IFT140: variants seen among roughly 807,000 people sequenced by gnomAD.
The protein encoded by IFT140 is intraflagellar transport 140.
Under a neutral mutation model 164.6 loss-of-function variants are expected in IFT140, and 133 were observed. That is an observed-to-expected ratio of 0.81 (90% CI 0.70 to 0.93). The LOEUF is 0.93. Among genes scored for constraint, IFT140 ranks in the 40% least tolerant of loss-of-function variants. The probability of loss-of-function intolerance (pLI) is 0.00; values close to 1 mark genes in which losing one functional copy is unlikely to be tolerated. For missense variants in IFT140, 2,045 were observed against 1,972.3 expected, an observed-to-expected ratio of 1.04 and a Z score of -0.70; for synonymous variants, 860 against 817.3, an observed-to-expected ratio of 1.05 and a Z score of -0.89.
intron 4 of IFT140, among the ~76,000 whole-genome samples, chr16:1,596,078 A>G (rs1313713637): frequency 1.3e-5 from 2 of 152,190 alleles, no homozygotes; most frequent in Non-Finnish European, 2.9e-5. Context: ...ACAAACAAAC[A>G]AACAAAACCA....
At chr16:1,542,430 C>A (rs545545054) in intron 19 of IFT140, among the ~76,000 whole-genome samples, 1 of 152,346 alleles carries the variant, frequency 6.6e-6, no homozygotes, top group South Asian at 2.1e-4. Context: ...CTGGGTCCTG[C>A]CCCTTCCTCA....
In IFT140 at chr16:1,540,670, C is replaced by T. The variant is rs139196879; in HGVS notation, c.2400-13874G>A. On this transcript the variant is annotated intron_variant, in intron 19 of 30. Transcript: ENST00000426508. Reference sequence around the variant, plus strand: ...TTCTGGTGTCTGTGATGGATGCGGGCGCGGGGACCCGCTCCTGAGTGGTGA... The same window carrying T: ...TTCTGGTGTCTGTGATGGATGCGGGTGCGGGGACCCGCTCCTGAGTGGTGA... 3.5e-3 allele frequency: 731 copies of T among 208,568 alleles called. 3 individuals are homozygous for T. The highest frequency in any genetic ancestry group is 8.8e-3 in the South Asian group (53 of 6,014). 12.9% of individuals were successfully genotyped at this position (208,568 alleles called of 1,614,324 possible). A position where few individuals can be genotyped will look rare whatever the true frequency, so the allele number is the denominator to read the frequency against.
chr16:1,532,534 C>T (rs1156486605), intron 19 of IFT140: 2 of 152,274 alleles, frequency 1.3e-5, no homozygotes, highest in East Asian at 3.9e-4. Context: ...GCTCTCGGGA[C>T]CGCCCTGAGC....
intron 13 of IFT140, among the ~76,000 whole-genome samples, chr16:1,575,516 A>C (rs2034230808): frequency 6.6e-6 from 1 of 152,214 alleles, no homozygotes; most frequent in African/African-American, 2.4e-5. Flanking sequence ...TTGCCACTGC[A>C]GTGCAGCCTG....
chr16:1,592,645 AGGGACAG>A, intron 4 of IFT140, 57 bp from the exon 5 acceptor site: 3 of 1,569,236 alleles, frequency 1.9e-6, no homozygotes, highest in Non-Finnish European at 2.6e-6. Context: ...CGACTGGTGG[AGGGACAG>A]GTGTCCTGGC....
At chr16:1,523,424 C>G in intron 26 of IFT140, 94 bp downstream of exon 26, 1 of 1,382,932 alleles carries the variant, frequency 7.2e-7, no homozygotes, top group Non-Finnish European at 9.9e-7. Context: ...GAACTCATAA[C>G]CAAGCAAGCA....
intron 30 of IFT140, among the ~76,000 whole-genome samples, chr16:1,517,840 A>AT (rs140973122): frequency 4.1e-4 from 62 of 150,288 alleles, no homozygotes; most frequent in Admixed American, 1.1e-3. Context: ...CTACCGACAG[A>AT]TTTTTTTTTT....
chr16:1,594,282 G>A (rs1432214914), intron 4 of IFT140, among the ~76,000 whole-genome samples: 1 of 151,624 alleles, frequency 6.6e-6, no homozygotes, highest in Non-Finnish European at 1.5e-5. Flanking sequence ...ATGGAGTGGT[G>A]CAATCACAGC....
intron 19 of IFT140, among the ~76,000 whole-genome samples, chr16:1,557,160 C>T (rs1183965687): frequency 6.6e-6 from 1 of 152,200 alleles, no homozygotes; most frequent in Admixed American, 6.5e-5. Flanking sequence ...CAATTATGGT[C>T]TGCGACTACC....
At chr16:1,608,575 G>A (rs906890212) in intron 2 of IFT140, among the ~76,000 whole-genome samples, 3 of 142,526 alleles carry the variant, frequency 2.1e-5, no homozygotes, top group African/African-American at 7.8e-5. Flanking sequence ...AGAGGTTGCG[G>A]TAAGCTGAGA....
intron 30 of IFT140, chr16:1,512,884 G>T (rs950307082): frequency 6.6e-6 from 1 of 152,284 alleles, no homozygotes; most frequent in African/African-American, 2.4e-5. Flanking sequence ...AATGGAAGTG[G>T]AACGGCGCAG....
At chr16:1,605,971 C>G (rs2036039158) in intron 3 of IFT140, among the ~76,000 whole-genome samples, 1 of 152,162 alleles carries the variant, frequency 6.6e-6, no homozygotes, top group African/African-American at 2.4e-5. Flanking sequence ...CGCAGACATA[C>G]AGAAGGGAAG....
chr16:1,523,511 C>T lies in IFT140; in HGVS notation c.3453+7G>A, dbSNP rs766120473. 6.8e-6 allele frequency: 11 copies of T among 1,607,972 alleles called. No homozygotes were observed. In the South Asian group the frequency reaches 8.8e-5, roughly 13 times the overall value. ...GGAGCCGAGCCCAGGCCCCGCTGGC[C>T]CCGTACCTTCCTGGCAGCCAGCAGC... On this transcript the variant is annotated splice_region_variant and intron_variant, in intron 26 of 30. Coordinates refer to ENST00000426508, the MANE Select transcript of IFT140 (RefSeq NM_014714.4).
chr16:1,602,613 T>A lies in IFT140; in HGVS notation c.148-22A>T, dbSNP rs2236269. 0.35 allele frequency: 568,095 copies of A among 1,600,722 alleles called. 107,502 individuals carry two copies. Among genetic ancestry groups the A allele is most frequent in the African/African-American group, 0.66 (49,606 of 74,854 alleles). ...CCCCCTGCATTGGATGAGAGGCAAA[T>A]TCCCACAGTTCAGAGAGGGACAGCT... On this transcript the variant is annotated intron_variant, in intron 3 of 30. Coordinates refer to ENST00000426508, the MANE Select transcript of IFT140 (RefSeq NM_014714.4).
At chr16:1,557,450 G>C (rs1461672302) in intron 19 of IFT140, 2 of 158,232 alleles carry the variant, frequency 1.3e-5, no homozygotes, top group South Asian at 1.9e-4. Context: ...TTCATTCTTC[G>C]ATTTTCTACC....
intron 30 of IFT140, among the ~76,000 whole-genome samples, chr16:1,513,671 CT>C (rs113508951): frequency 1.2e-3 from 113 of 91,500 alleles, no homozygotes; most frequent in African/African-American, 2.5e-3. Flanking sequence ...TCACAACTTT[CT>C]TTTTTTTTTT....
chr16:1,601,274 A>G (rs2035785907), intron 4 of IFT140, among the ~76,000 whole-genome samples: 1 of 152,130 alleles, frequency 6.6e-6, no homozygotes, highest in Non-Finnish European at 1.5e-5. Flanking sequence ...AAAAAAAAAA[A>G]AAAAAGAGAG....
At chr16:1,596,921 A>G (rs2035493281) in intron 4 of IFT140, among the ~76,000 whole-genome samples, 1 of 152,164 alleles carries the variant, frequency 6.6e-6, no homozygotes, top group African/African-American at 2.4e-5. Flanking sequence ...TTCACACGGT[A>G]TAATTTTATA....
chr16:1,580,486 C>G (rs541551404), intron 13 of IFT140: 29 of 332,542 alleles, frequency 8.7e-5, no homozygotes, highest in Admixed American at 9.3e-5. Context: ...TCCTCCTGCT[C>G]CGGCTATGTA....
Sources: gnomAD v4.1 joint callset for allele counts (sites outside exome capture counted in the v4.1 genomes callset) on GRCh38, gnomAD v4.1.1 for gene constraint, MANE v1.5 for transcripts, NCBI Gene and HGNC (gene_info 2026-07-23, HGNC 2026-07-21) for gene names.